The following PRAMEF5 variants were observed in gnomAD, a reference collection of about 807,000 sequenced individuals.
The protein encoded by PRAMEF5 is PRAME family member 23.
PRAMEF5 carries 5 observed loss-of-function variants against 16.4 expected under a neutral mutation model. That is an observed-to-expected ratio of 0.30 (90% CI 0.16 to 0.64). PRAMEF5 has a LOEUF of 0.64. Among genes scored for constraint, PRAMEF5 ranks in the 30% least tolerant of loss-of-function variants. The probability of loss-of-function intolerance (pLI) is 0.80; values close to 1 mark genes in which losing one functional copy is unlikely to be tolerated. For synonymous variants in PRAMEF5, 19 were observed against 107.3 expected, an observed-to-expected ratio of 0.18 and a Z score of 5.09; for missense variants, 36 against 282.9, an observed-to-expected ratio of 0.13 and a Z score of 6.26.
chr1:13,260,166 G>A, intron 2 of PRAMEF5, 56 bp from the exon 3 acceptor site: 5 of 1,558,138 alleles, frequency 3.2e-6, no homozygotes, highest in Non-Finnish European at 4.4e-6. Context: ...AGGATGTGGA[G>A]TTTAAGTTCA....
At chr1:13,263,396 A>G (rs1187011451), downstream of PRAMEF5, 9 of 588,704 alleles carry the variant, frequency 1.5e-5, no homozygotes, top group Non-Finnish European at 2.6e-5. Flanking sequence ...TCTTGGATGC[A>G]TGGTTGTAAA....
chr1:13,263,086 TG>T lies in PRAMEF5; in HGVS notation c.1408del (p.Glu470ArgfsTer27), dbSNP rs1639418114. On this transcript the variant is annotated frameshift_variant, in exon 4 of 4. Transcript: ENST00000622421. LOFTEE classifies it high-confidence loss of function. ...TGTGGCAACAGGTCATTTTATGACC[TG>T]GAGGCAGATCAATGCTGCTGTTGAA... is the stretch of plus-strand genomic sequence containing the variant. The T allele has an allele frequency of 8.0e-7, 1 of 1,253,936 alleles. No individual in the cohort carries two copies. 77.7% of individuals were successfully genotyped at this position (1,253,936 alleles called of 1,614,324 possible).
rs1463674246 is a variant in PRAMEF5 at position 13,260,221 on chromosome 1, G to A, written c.288-1G>A. On this transcript the variant is annotated splice_acceptor_variant, in intron 2 of 3. Transcript: ENST00000622421. LOFTEE classifies it high-confidence loss of function. ...TCATTCTCACCTCTATTTTCCCACA[G>A]GAGGTGGAAACTTCAAGTGCTGGAT... 1.9e-6 allele frequency: 3 copies of A among 1,581,820 alleles called. No individual in the cohort carries two copies. Among genetic ancestry groups the A allele is most frequent in the Non-Finnish European group, 2.6e-6 (3 of 1,156,952 alleles).
At chr1:13,263,364 T>A, downstream of PRAMEF5, 1 of 632,764 alleles carries the variant, frequency 1.6e-6, no homozygotes, top group Non-Finnish European at 2.7e-6. Flanking sequence ...AGTGGAGGCT[T>A]GAGAATACTT....
intron 3 of PRAMEF5, 99 bp downstream of exon 3, chr1:13,260,902 C>T: frequency 5.6e-6 from 1 of 177,048 alleles, no homozygotes; most frequent in Non-Finnish European, 9.6e-6. Flanking sequence ...GAGGATGAAA[C>T]AGTGAAGGGG....
chr1:13,255,750 GCTCT>G (rs1193407813), intron 1 of PRAMEF5: 1 of 39,990 alleles, frequency 2.5e-5, no homozygotes, highest in Non-Finnish European at 6.3e-5. Context: ...ATCAAATCTA[GCTCT>G]CTCTCTCTCC....
intron 3 of PRAMEF5, chr1:13,261,780 G>A (rs1412092556): frequency 5.5e-5 from 1 of 18,318 alleles, no homozygotes; most frequent in Admixed American, 6.7e-4. Context: ...GCATGATTCT[G>A]AAACAGAGGG....
exon 3 of PRAMEF5, chr1:13,260,630 G>A: frequency 1.9e-6 from 1 of 515,580 alleles, no homozygotes; most frequent in Non-Finnish European, 3.2e-6. Context: ...GCCACATGAG[G>A]AATCTTCAGA....
At position 13,262,443 on chromosome 1, in the gene PRAMEF5, T is replaced by A; in HGVS notation, c.870-107T>A. 4.7e-6 allele frequency: 2 copies of A among 423,680 alleles called. 1 individual carries two copies. The highest frequency in any genetic ancestry group is 7.1e-6 in the Non-Finnish European group (2 of 281,176). 26.2% of individuals were successfully genotyped at this position (423,680 alleles called of 1,614,324 possible). ...GACCATCAGGCCATCAGAATGACCC[T>A]GGACTTGGGCAAAATGGTCTCCATC... On this transcript the variant is annotated intron_variant, in intron 3 of 3. Coordinates refer to ENST00000622421, the Ensembl canonical transcript of PRAMEF5.
At chr1:13,261,687 T>C (rs1442059606) in intron 3 of PRAMEF5, 1 of 1,752 alleles carries the variant, frequency 5.7e-4, no homozygotes, top group African/African-American at 2.0e-3. Flanking sequence ...CCCCACAGTT[T>C]CGTGAACATG....
intron 2 of PRAMEF5, 82 bp from the exon 3 acceptor site, chr1:13,260,140 G>A (rs1187870530): frequency 1.3e-6 from 2 of 1,550,310 alleles, no homozygotes; most frequent in South Asian, 1.1e-5. Context: ...AGCAGGGAGG[G>A]GAGGAGCTGC....
At chr1:13,260,103 G>A in intron 2 of PRAMEF5, 119 bp from the exon 3 acceptor site, 3 of 1,517,860 alleles carry the variant, frequency 2.0e-6, no homozygotes, top group Non-Finnish European at 2.7e-6. Context: ...AAAACAGGGT[G>A]AAGAAAAGTC....
exon 4 of PRAMEF5, chr1:13,263,273 G>T (rs80053571): frequency 0.14 from 171,155 of 1,181,062 alleles, 8,379 homozygotes; most frequent in Middle Eastern, 0.18. Flanking sequence ...GGCAGGACTT[G>T]GGGGAAGTGT....
downstream of PRAMEF5, chr1:13,263,329 G>C (rs1350623271): frequency 7.8e-4 from 467 of 602,086 alleles, 1 homozygote; most frequent in African/African-American, 7.9e-3. Flanking sequence ...CCTGTAGAGT[G>C]GAAAATGGGA....
rs1569727569 is a variant in PRAMEF5, at chr1:13,260,048, C to G, written c.288-174C>G. The G allele has an allele frequency of 2.5e-4, 235 of 952,346 alleles. 4 individuals carry two copies. The South Asian group carries it at 3.8e-3, about 15-fold the overall frequency. 59.0% of individuals were successfully genotyped at this position (952,346 alleles called of 1,614,324 possible). On this transcript the variant is annotated intron_variant, in intron 2 of 3. Transcript: ENST00000622421. The stretch of plus-strand genomic sequence containing the variant: ...TGGGCGACAGAGGGAGACGTGGTCT[C>G]AAAAGAAAAACAAAAAAATGTGGAA...
chr1:13,262,826 C>T (rs1569732758), exon 4 of PRAMEF5: 1 of 874,658 alleles, frequency 1.1e-6, no homozygotes, highest in Admixed American at 3.0e-5. Context: ...AGCTCAACAC[C>T]TTCAGCTTCT....
At chr1:13,260,793 C>G in exon 3 of PRAMEF5, 14 of 356,362 alleles carry the variant, frequency 3.9e-5, no homozygotes, top group Middle Eastern at 6.5e-4. Context: ...CCACCTGGAC[C>G]AGCTGCTCAG....
downstream of PRAMEF5, chr1:13,263,351 T>C (rs1391800036): frequency 8.1e-6 from 5 of 616,430 alleles, no homozygotes; most frequent in African/African-American, 1.8e-5. Flanking sequence ...TTTGAATGTC[T>C]AGAGTGGAGG....
chr1:13,262,447 C>T, intron 3 of PRAMEF5, 103 bp from the exon 4 acceptor site: 1 of 400,042 alleles, frequency 2.5e-6, no homozygotes, highest in Non-Finnish European at 3.8e-6. Context: ...TGACCCTGGA[C>T]TTGGGCAAAA....
Sources: gnomAD v4.1 joint callset for allele counts on GRCh38, gnomAD v4.1.1 for gene constraint, MANE v1.5 for transcripts, NCBI Gene and HGNC (gene_info 2026-07-23, HGNC 2026-07-21) for gene names.